DNAH7: variants seen among roughly 807,000 people sequenced by gnomAD.
DNAH7 encodes the protein axonemal beta dynein heavy chain 7.
A neutral mutation model predicts 444.6 loss-of-function variants in DNAH7; 397 were observed. That is an observed-to-expected ratio of 0.89 (90% CI 0.82 to 0.97). The LOEUF is 0.97. Ranked by LOEUF, DNAH7 falls within the 50% of genes least tolerant of loss-of-function variation. DNAH7 has a pLI of 0.00. For synonymous variants in DNAH7, 1,636 were observed against 1,624.4 expected (o/e 1.01, Z -0.17); for missense variants, 4,902 against 4,800.8 (o/e 1.02, Z -0.62).
intron 11 of DNAH7, 36 bp from the exon 12 acceptor site, chr2:196,000,919 G>A (rs1467064708): frequency 3.7e-5 from 55 of 1,500,212 alleles, no homozygotes; most frequent in Non-Finnish European, 4.6e-5. Flanking sequence ...ACATAAATAT[G>A]TATGAATTGT....
intron 48 of DNAH7, among the ~76,000 whole-genome samples, chr2:195,832,956 T>C (rs2124950961): frequency 6.6e-6 from 1 of 152,314 alleles, no homozygotes; most frequent in East Asian, 1.9e-4. Context: ...TCAAACTATA[T>C]GGTTAAAATA....
chr2:195,932,146 C>G (rs955333305), intron 21 of DNAH7, among the ~76,000 whole-genome samples: 10 of 152,042 alleles, frequency 6.6e-5, no homozygotes, highest in East Asian at 3.9e-4. Flanking sequence ...CACATCCCTT[C>G]TAAGTTGGAT....
intron 22 of DNAH7, among the ~76,000 whole-genome samples, chr2:195,925,741 T>C (rs1237312281): frequency 6.6e-6 from 1 of 152,210 alleles, no homozygotes; most frequent in Non-Finnish European, 1.5e-5. Flanking sequence ...CAAAAACATA[T>C]TTAACAATTA....
chr2:195,746,483 G>A (rs562087624), intron 63 of DNAH7, among the ~76,000 whole-genome samples: 2 of 152,236 alleles, frequency 1.3e-5, no homozygotes, highest in South Asian at 4.1e-4. Flanking sequence ...ACTCAGCTCT[G>A]CACCAAGCGG....
chr2:195,800,587 T>G (rs749977981), intron 54 of DNAH7, among the ~76,000 whole-genome samples: 1 of 152,216 alleles, frequency 6.6e-6, no homozygotes, highest in Admixed American at 6.5e-5. Context: ...GATCTTTTTC[T>G]ACTTCACTTT....
Position 195,942,304 on chromosome 2 carries a change from G to T in DNAH7, c.3079-5512C>A, listed in dbSNP as rs910266059. 3.3e-5 allele frequency among the ~76,000 whole-genome samples: 5 copies of T among 151,990 alleles called. No individual in the cohort carries two copies. The Admixed American group carries it at 3.3e-4, about 10-fold the overall frequency. The stretch of plus-strand genomic sequence containing the variant: ...CACATTCCAGAAGAGGGTCCAACCA[G>T]TGCAAACGCCCTCGGATACAGTGTG... On this transcript the variant is annotated intron_variant, in intron 19 of 64. Transcript: ENST00000312428.
At chr2:195,884,985 G>T (rs1294266410) in intron 34 of DNAH7, among the ~76,000 whole-genome samples, 176 bp from the exon 35 acceptor site, 1 of 152,060 alleles carries the variant, frequency 6.6e-6, no homozygotes, top group African/African-American at 2.4e-5. Flanking sequence ...AAATCAAATC[G>T]CATGCTTATA....
At chr2:195,883,461 CA>C (rs568366068) in intron 35 of DNAH7, among the ~76,000 whole-genome samples, 4,850 of 140,818 alleles carry the variant, frequency 0.034, 92 homozygotes, top group Middle Eastern at 0.049. Context: ...TCCCCCCCCC[CA>C]AAAAAAAAGA....
Position 195,853,501 on chromosome 2 carries a change from G to A in DNAH7, c.8623C>T (p.Arg2875Ter), listed in dbSNP as rs139835496. ...QVDLCSKKLE[R>*]AEQLIGGLGG... is the part of the protein sequence containing the mutation. ...AGGCCTCCAATCAACTGTTCAGCTCGTTCTAGTTTTTTGCTGCAAAGGTCA... is the reference window on the plus strand; with the variant it reads ...AGGCCTCCAATCAACTGTTCAGCTCATTCTAGTTTTTTGCTGCAAAGGTCA... The change falls in exon 46 of 65, where the codon CGA becomes TGA. Residue 2875 changes from arginine to a stop codon, truncating the protein, a stop_gained. Transcript: ENST00000312428. LOFTEE classifies it high-confidence loss of function. 9.5e-5 allele frequency: 152 copies of A among 1,607,952 alleles called. 1 individual carries two copies. The East Asian group carries it at 1.5e-3, about 16-fold the overall frequency.
intron 10 of DNAH7, among the ~76,000 whole-genome samples, chr2:196,011,060 T>C (rs1238685773): frequency 6.6e-6 from 1 of 152,030 alleles, no homozygotes; most frequent in Non-Finnish European, 1.5e-5. Context: ...AAAATACAGT[T>C]GATAGAAGGA....
At chr2:195,997,049 A>C (rs2125672910) in intron 12 of DNAH7, among the ~76,000 whole-genome samples, 1 of 152,324 alleles carries the variant, frequency 6.6e-6, no homozygotes, top group Admixed American at 6.5e-5. Context: ...AAGATAAAGC[A>C]ATCTATATGA....
chr2:195,908,671 T>C (rs1267890298), intron 25 of DNAH7, among the ~76,000 whole-genome samples: 2 of 152,166 alleles, frequency 1.3e-5, no homozygotes, highest in Non-Finnish European at 1.5e-5. Flanking sequence ...TCTTTATCCA[T>C]TTCTCCACTG....
intron 49 of DNAH7, 28 bp downstream of exon 49, chr2:195,824,227 T>C: frequency 6.3e-7 from 1 of 1,577,166 alleles, no homozygotes. Context: ...CAAAATCTGA[T>C]AAAGAAACAT....
intron 58 of DNAH7, among the ~76,000 whole-genome samples, chr2:195,781,976 T>TATACACAC (rs71408697): frequency 7.7e-6 from 1 of 129,754 alleles, no homozygotes; most frequent in South Asian, 2.7e-4. Context: ...GTGGGTCTTA[T>TATACACAC]ACACACACAC....
intron 49 of DNAH7, among the ~76,000 whole-genome samples, chr2:195,821,708 C>T (rs557068312): frequency 7.2e-5 from 11 of 152,196 alleles, no homozygotes; most frequent in South Asian, 2.1e-4. Flanking sequence ...AGACCTTTCC[C>T]GGAACAGAGG....
intron 54 of DNAH7, 21 bp downstream of exon 54, chr2:195,806,719 G>GT: frequency 6.2e-7 from 1 of 1,605,576 alleles, no homozygotes; most frequent in Non-Finnish European, 8.5e-7. Flanking sequence ...TCATTGAGCT[G>GT]TTTTCAAAGC....
At chr2:196,006,161 A>T (rs183988304) in intron 10 of DNAH7, among the ~76,000 whole-genome samples, 15 of 152,206 alleles carry the variant, frequency 9.9e-5, no homozygotes, top group African/African-American at 3.1e-4. Context: ...AAAAATGAAC[A>T]AAATTAGCTG....
intron 15 of DNAH7, among the ~76,000 whole-genome samples, chr2:195,979,586 C>A (rs1026735152): frequency 6.6e-6 from 1 of 151,736 alleles, no homozygotes; most frequent in Admixed American, 6.6e-5. Context: ...AAATCAAACC[C>A]AAAATTAGTC....
At chr2:195,933,265 G>A (rs1574811835) in intron 21 of DNAH7, among the ~76,000 whole-genome samples, 1 of 152,202 alleles carries the variant, frequency 6.6e-6, no homozygotes, top group Non-Finnish European at 1.5e-5. Flanking sequence ...GTGCTGGAGA[G>A]GATGTGGAGA....
Sources: gnomAD v4.1 joint callset for allele counts (sites outside exome capture counted in the v4.1 genomes callset) on GRCh38, gnomAD v4.1.1 for gene constraint, MANE v1.5 for transcripts, NCBI Gene and HGNC (gene_info 2026-07-23, HGNC 2026-07-21) for gene names.